Variants in EEFSEC observed in about 807,000 individuals in gnomAD.
The protein encoded by EEFSEC is selenocysteine-specific elongation factor.
EEFSEC carries 43 observed loss-of-function variants against 42.1 expected under a neutral mutation model. The ratio of observed to expected loss-of-function variants is 1.02; its 90% CI spans 0.80 to 1.32. The LOEUF (loss-of-function observed/expected upper bound fraction) is 1.32, where lower values mean the gene tolerates loss of function less well. EEFSEC is among the 40% of genes most tolerant of loss of function. The pLI, the probability that EEFSEC is intolerant of heterozygous loss-of-function variation, is 0.00. For missense variants in EEFSEC, 745 were observed against 803.6 expected (o/e 0.93, Z 0.88); for synonymous variants, 354 against 339.1 (o/e 1.04, Z -0.48).
intron 4 of EEFSEC, among the ~76,000 whole-genome samples, chr3:128,315,818 A>T (rs2066939034): frequency 6.6e-6 from 1 of 152,166 alleles, no homozygotes. Context: ...CCTTTATTTC[A>T]CCTTCCTATG....
intron 2 of EEFSEC, 33 bp downstream of exon 2, chr3:128,247,076 A>G (rs377251295): frequency 5.0e-5 from 80 of 1,606,190 alleles, no homozygotes; most frequent in Non-Finnish European, 6.0e-5. Flanking sequence ...TGTTCACTGC[A>G]TAAGAAGGCT....
chr3:128,155,955 C>T (rs1944374219), intron 1 of EEFSEC, among the ~76,000 whole-genome samples: 1 of 152,212 alleles, frequency 6.6e-6, no homozygotes, highest in Non-Finnish European at 1.5e-5. Flanking sequence ...ACCCATTCCT[C>T]CCTGCCCCCT....
At chr3:128,339,359 G>A (rs1390325659) in intron 4 of EEFSEC, among the ~76,000 whole-genome samples, 1 of 152,126 alleles carries the variant, frequency 6.6e-6, no homozygotes, top group African/African-American at 2.4e-5. Flanking sequence ...ACCCTGACTC[G>A]GTAGACAGGG....
At chr3:128,322,937 G>T (rs1279271224) in intron 4 of EEFSEC, among the ~76,000 whole-genome samples, 1 of 152,150 alleles carries the variant, frequency 6.6e-6, no homozygotes, top group Non-Finnish European at 1.5e-5. Context: ...GATTGGTGGG[G>T]GCTGCTTTTC....
chr3:128,282,635 G>A lies in EEFSEC; in HGVS notation c.786+17854G>A, dbSNP rs568602198. 3.3e-5 allele frequency among the ~76,000 whole-genome samples: 5 copies of A among 152,286 alleles called. No homozygotes were observed. In the East Asian group the frequency reaches 7.7e-4, roughly 24 times the overall value. On this transcript the variant is annotated intron_variant, in intron 4 of 6. Coordinates refer to ENST00000254730, the MANE Select transcript of EEFSEC (RefSeq NM_021937.5). ...TACACAGCTTAGGAAGGGGGACTGG[G>A]GAAGCTGCCCATTTCACCGGGGACT...
At chr3:128,340,052 G>A (rs2067233182) in intron 4 of EEFSEC, among the ~76,000 whole-genome samples, 1 of 152,122 alleles carries the variant, frequency 6.6e-6, no homozygotes, top group African/African-American at 2.4e-5. Flanking sequence ...TTTGGATGGG[G>A]ACACAGCCAA....
chr3:128,250,549 A>G (rs952413357), intron 2 of EEFSEC, among the ~76,000 whole-genome samples: 4 of 152,170 alleles, frequency 2.6e-5, no homozygotes, highest in Admixed American at 6.5e-5. Context: ...GATTGACCAT[A>G]TATGTGTGGG....
intron 1 of EEFSEC, among the ~76,000 whole-genome samples, chr3:128,218,721 G>A (rs2065834481): frequency 6.6e-6 from 1 of 152,216 alleles, no homozygotes. Context: ...TAGTAAAGAA[G>A]CTGGACAAGC....
intron 5 of EEFSEC, among the ~76,000 whole-genome samples, chr3:128,352,731 A>G (rs1559935393): frequency 6.6e-6 from 1 of 152,250 alleles, no homozygotes; most frequent in Non-Finnish European, 1.5e-5. Context: ...GGGAGGGGGC[A>G]GGCAGAGGCC....
At chr3:128,160,806 GCACACA>G (rs148477795) in intron 1 of EEFSEC, among the ~76,000 whole-genome samples, 29 of 149,596 alleles carry the variant, frequency 1.9e-4, no homozygotes, top group African/African-American at 6.9e-4. Flanking sequence ...ACACACGCGC[GCACACA>G]CACACACACA....
At chr3:128,404,752 G>A (rs1184971424) in intron 6 of EEFSEC, among the ~76,000 whole-genome samples, 1 of 152,246 alleles carries the variant, frequency 6.6e-6, no homozygotes, top group Non-Finnish European at 1.5e-5. Context: ...CTCCAAGTAA[G>A]GTATGCTGCT....
chr3:128,174,581 A>C (rs986685743), intron 1 of EEFSEC, among the ~76,000 whole-genome samples: 4 of 152,216 alleles, frequency 2.6e-5, no homozygotes, highest in African/African-American at 9.6e-5. Context: ...AGTCAGGAAG[A>C]TTGAAATTGG....
chr3:128,272,124 G>A lies in EEFSEC; in HGVS notation c.786+7343G>A, dbSNP rs72975304. On this transcript the variant is annotated intron_variant, in intron 4 of 6. Transcript: ENST00000254730. ...GCTCCAGAACTGGCTCTGCCCTGTC[G>A]TGTGTGGGCCACACACTCAGGTGGC... 1.7e-3 allele frequency among the ~76,000 whole-genome samples: 266 copies of A among 152,306 alleles called. 1 individual carries two copies. The highest frequency in any genetic ancestry group is 6.1e-3 in the African/African-American group (254 of 41,568).
chr3:128,312,062 A>G (rs2066896054), intron 4 of EEFSEC, among the ~76,000 whole-genome samples: 1 of 152,222 alleles, frequency 6.6e-6, no homozygotes, highest in Non-Finnish European at 1.5e-5. Flanking sequence ...CATGAGGGAT[A>G]AGAAAAGCTT....
intron 6 of EEFSEC, among the ~76,000 whole-genome samples, chr3:128,404,274 C>T (rs911721844): frequency 6.6e-6 from 1 of 152,232 alleles, no homozygotes; most frequent in African/African-American, 2.4e-5. Context: ...CCGGCCAGTC[C>T]ATAATAGAGC....
intron 6 of EEFSEC, among the ~76,000 whole-genome samples, chr3:128,384,608 G>A (rs545867939): frequency 6.6e-6 from 1 of 152,350 alleles, no homozygotes; most frequent in African/African-American, 2.4e-5. Flanking sequence ...GGATGGAGTG[G>A]AGGGTACAAG....
At chr3:128,235,939 A>G (rs1169212300) in intron 1 of EEFSEC, among the ~76,000 whole-genome samples, 2 of 122,788 alleles carry the variant, frequency 1.6e-5, no homozygotes, top group Non-Finnish European at 3.5e-5. Flanking sequence ...TGGATGGGCA[A>G]AGGTTTGTTT....
At chr3:128,276,046 TC>T (rs2066464902) in intron 4 of EEFSEC, among the ~76,000 whole-genome samples, 1 of 152,124 alleles carries the variant, frequency 6.6e-6, no homozygotes, top group Non-Finnish European at 1.5e-5. Flanking sequence ...AGCCTGTAAG[TC>T]CCAGGACCCT....
chr3:128,334,344 C>G (rs2067166888), intron 4 of EEFSEC, among the ~76,000 whole-genome samples: 1 of 152,222 alleles, frequency 6.6e-6, no homozygotes. Flanking sequence ...TGTGTGGGCT[C>G]TACATGTTCA....
Sources: gnomAD v4.1 joint callset for allele counts (sites outside exome capture counted in the v4.1 genomes callset) on GRCh38, gnomAD v4.1.1 for gene constraint, MANE v1.5 for transcripts, NCBI Gene and HGNC (gene_info 2026-07-23, HGNC 2026-07-21) for gene names.